SENP2: variants seen among roughly 807,000 people sequenced by gnomAD.
SENP2 encodes the protein SUMO specific peptidase 2, also known as sentrin-specific protease 2.
Under a neutral mutation model 86.3 loss-of-function variants are expected in SENP2, and 16 were observed. That is an observed-to-expected ratio of 0.19 (90% CI 0.13 to 0.28). The LOEUF (loss-of-function observed/expected upper bound fraction) is 0.28, where lower values mean the gene tolerates loss of function less well. Ranked by LOEUF, SENP2 falls within the 10% of genes least tolerant of loss-of-function variation. SENP2 has a pLI of 1.00. For missense variants in SENP2, 552 were observed against 703.0 expected (o/e 0.79, Z 2.43); for synonymous variants, 222 against 238.7 (o/e 0.93, Z 0.64).
chr3:185,613,737 A>G (rs1323983629), intron 10 of SENP2: 1 of 177,870 alleles, frequency 5.6e-6, no homozygotes. Flanking sequence ...CTAAGGTGGG[A>G]GGATTGCTTG....
At chr3:185,617,749 CT>C in intron 12 of SENP2, 138 bp downstream of exon 12, 1 of 701,368 alleles carries the variant, frequency 1.4e-6, no homozygotes. Flanking sequence ...CATTTTAAAT[CT>C]TAAAAAGATG....
rs1712344457 is a variant in SENP2 at position 185,630,051 on chromosome 3, C to G, written c.*207C>G. ...TGCAATCCTGTTTGTAAGGCTGTGC[C>G]TGCTCAGAGCTTTGGACTGTTCAAC... On this transcript the variant is annotated 3_prime_UTR_variant, in exon 17 of 17. Transcript: ENST00000296257. The G allele has an allele frequency of 3.6e-6, 2 of 557,872 alleles. No homozygotes were observed. Among genetic ancestry groups the G allele is most frequent in the Admixed American group, 2.9e-5 (1 of 34,140 alleles). 34.6% of individuals were successfully genotyped at this position (557,872 alleles called of 1,614,324 possible).
At chr3:185,592,017 T>TTTTTTTTTTTTG (rs1722022618) in intron 2 of SENP2, among the ~76,000 whole-genome samples, 1 of 130,348 alleles carries the variant, frequency 7.7e-6, no homozygotes, top group Admixed American at 7.8e-5. Flanking sequence ...ATTTCTTTTT[T>TTTTTTTTTTTTG]TTTTTTTTTT....
chr3:185,613,481 A>G, intron 10 of SENP2, 73 bp downstream of exon 10: 1 of 893,192 alleles, frequency 1.1e-6, no homozygotes, highest in Non-Finnish European at 1.8e-6. Context: ...CATGAAAAGC[A>G]AGAAAAAGTA....
At chr3:185,627,410 G>A (rs1712201353) in intron 16 of SENP2, among the ~76,000 whole-genome samples, 1 of 151,950 alleles carries the variant, frequency 6.6e-6, no homozygotes, top group Non-Finnish European at 1.5e-5. Context: ...TTTTGTGTTT[G>A]TTTTGTTTTG....
chr3:185,586,543 C>T lies in SENP2; in HGVS notation c.101+29C>T. On this transcript the variant is annotated intron_variant, in intron 1 of 16. Coordinates refer to ENST00000296257, the MANE Select transcript of SENP2 (RefSeq NM_021627.3). This position sits in a 1 kb window ranked among gnomAD's most constrained non-coding sequence, Gnocchi z 4.3. ...AGACGAGAGGGGGCTGAGCGCCAGC[C>T]TGGCCTTACCCCCTCCCCCACAGCG... 2 of 1,590,358 alleles carry T rather than the reference C, an allele frequency of 1.3e-6. No homozygotes were observed. The highest frequency in any genetic ancestry group is 1.7e-6 in the Non-Finnish European group (2 of 1,163,598).
chr3:185,595,181 C>T (rs1383493008), intron 2 of SENP2, among the ~76,000 whole-genome samples: 3 of 151,960 alleles, frequency 2.0e-5, no homozygotes, highest in African/African-American at 4.8e-5. Flanking sequence ...AGGGGCATAC[C>T]GAGATTTTGA....
chr3:185,593,728 CTT>C (rs76181270), intron 2 of SENP2, among the ~76,000 whole-genome samples: 12,232 of 137,914 alleles, frequency 0.089, 607 homozygotes, highest in South Asian at 0.33. Context: ...GTTTTCATTT[CTT>C]TTTTTTTTTT....
chr3:185,604,116 G>A (rs1011153338), intron 5 of SENP2, among the ~76,000 whole-genome samples: 16 of 152,140 alleles, frequency 1.1e-4, no homozygotes, highest in East Asian at 7.7e-4. Context: ...GTGAGACACC[G>A]TCTCAAAAAA....
rs146337020 is a variant in SENP2, at chr3:185,617,555, C to A, written c.1186C>A (p.Arg396=). 3 of 1,613,442 alleles carry A rather than the reference C, an allele frequency of 1.9e-6. No homozygotes were observed. The highest frequency in any genetic ancestry group is 1.7e-5 in the Admixed American group (1 of 60,002). The change falls in exon 12 of 17, where the codon CGA becomes AGA. Residue 396 remains arginine, a synonymous_variant. Transcript: ENST00000296257. ...DEILSSAFKL[R]ITRGDIQTLK... is the part of the protein sequence containing the mutation. The stretch of plus-strand genomic sequence containing the variant: ...AATCCTAAGTAGTGCTTTCAAATTG[C>A]GAATTACTCGAGGAGATATTCAGAC...
chr3:185,625,154 T>C (rs1040174555), intron 15 of SENP2, among the ~76,000 whole-genome samples: 14 of 151,426 alleles, frequency 9.2e-5, no homozygotes, highest in South Asian at 4.2e-4. Context: ...CTCTGTCGCC[T>C]AGGCTGGAGT....
chr3:185,613,372 A>G lies in SENP2; in HGVS notation c.897A>G (p.Thr299=), dbSNP rs778373145. Residue 299 remains threonine (T), a synonymous_variant, in exon 10 of 17, where the codon ACA becomes ACG. Transcript: ENST00000296257. ...GTTCAAAGGGGAAAATTACTGATAC[A>G]GAGACGATGGTCGGAATCAGATTTG... ...KRCSKGKITD[T]ETMVGIRFEN... 48 of 1,597,490 alleles carry G rather than the reference A, an allele frequency of 3.0e-5. No individual in the cohort carries two copies. The highest frequency in any genetic ancestry group is 5.0e-5 in the Admixed American group (3 of 59,842).
chr3:185,593,728 CTTTT>C (rs76181270), intron 2 of SENP2, among the ~76,000 whole-genome samples: 39 of 138,090 alleles, frequency 2.8e-4, no homozygotes, highest in Admixed American at 2.9e-4. Flanking sequence ...GTTTTCATTT[CTTTT>C]TTTTTTTTTT....
rs77972268 is a variant in SENP2, at chr3:185,624,444, A to T, written c.1611+362A>T. Among the ~76,000 whole-genome samples, 680 of 152,310 alleles carry T rather than the reference A, an allele frequency of 4.5e-3. 5 individuals carry two copies. The highest frequency in any genetic ancestry group is 0.015 in the African/African-American group (636 of 41,572). ...CATATGCTTGCATGTCTCTCACAGA[A>T]TTGGGAAGAAACCCAATACATTGAA... On this transcript the variant is annotated intron_variant, in intron 15 of 16. Transcript: ENST00000296257.
intron 2 of SENP2, among the ~76,000 whole-genome samples, chr3:185,594,922 C>T (rs1397474190): frequency 6.6e-6 from 1 of 152,116 alleles, no homozygotes; most frequent in East Asian, 1.9e-4. Context: ...CAGGGTTTCA[C>T]CGTGTTGGCC....
chr3:185,609,213 C>A, intron 6 of SENP2, 34 bp from the exon 7 acceptor site: 1 of 1,449,090 alleles, frequency 6.9e-7, no homozygotes, highest in African/African-American at 1.4e-5. Context: ...ATTTAATGTG[C>A]TGGTACTTAT....
At position 185,611,662 on chromosome 3, in the gene SENP2, G is replaced by A. The variant is rs143348143; in HGVS notation, c.734G>A (p.Ser245Asn). ...VTSNYHSSQR[S>N]QMDTLKTKGW... ...TTTGTGTTTCTAAGTTCTCAAAGAA[G>A]TCAGATGGACACATTAAAGACCAAA... Residue 245 changes from serine to asparagine, a missense_variant, in exon 8 of 17, where the codon AGT becomes AAT. By Grantham distance (46) the Ser-to-Asn change is conservative. Transcript: ENST00000296257. The A allele has an allele frequency of 1.3e-5, 21 of 1,612,412 alleles. No homozygotes were observed. In the Middle Eastern group the frequency reaches 4.9e-4, roughly 38 times the overall value.
chr3:185,626,743 A>AGCCT (rs936413756), intron 16 of SENP2, among the ~76,000 whole-genome samples: 3 of 151,858 alleles, frequency 2.0e-5, no homozygotes, highest in Non-Finnish European at 2.9e-5. Flanking sequence ...AGTGCACTCC[A>AGCCT]GCCTGGGTGA....
chr3:185,629,093 T>C (rs970153862), intron 16 of SENP2, among the ~76,000 whole-genome samples: 1 of 152,188 alleles, frequency 6.6e-6, no homozygotes, highest in African/African-American at 2.4e-5. Flanking sequence ...GATTTTGTTG[T>C]TTTTTATTTA....
Sources: allele counts gnomAD v4.1 joint callset (sites outside exome capture counted in the v4.1 genomes callset), GRCh38; gene constraint gnomAD v4.1.1; non-coding constraint Gnocchi (gnomAD v3.1); transcripts MANE v1.5; gene names NCBI Gene and HGNC (gene_info 2026-07-23, HGNC 2026-07-21).